SYNE2: variants seen among roughly 807,000 people sequenced by gnomAD.
SYNE2 encodes nesprin-2.
SYNE2 carries 431 observed loss-of-function variants against 856.3 expected under a neutral mutation model. The ratio of observed to expected loss-of-function variants is 0.50; its 90% CI spans 0.47 to 0.55. SYNE2 has a LOEUF of 0.55. SYNE2 is among the 20% of genes least tolerant of loss of function. SYNE2 has a pLI of 0.00. For synonymous variants in SYNE2, 2,923 were observed against 2,872.3 expected, an observed-to-expected ratio of 1.02 and a Z score of -0.56; for missense variants, 8,129 against 8,023.2, an observed-to-expected ratio of 1.01 and a Z score of -0.50.
intron 43 of SYNE2, among the ~76,000 whole-genome samples, chr14:64,029,576 T>G (rs1368219813): frequency 2.6e-5 from 4 of 152,206 alleles, no homozygotes; most frequent in African/African-American, 7.2e-5. Context: ...TCATGAATGT[T>G]TGGGATTTAA....
rs767970692 is a variant in SYNE2 at position 64,165,318 on chromosome 14, C to T, written c.16513C>T (p.Arg5505Trp). 9.9e-6 allele frequency: 16 copies of T among 1,613,610 alleles called. No homozygotes were observed. The highest frequency in any genetic ancestry group is 3.3e-5 in the South Asian group (3 of 91,060). The change falls in exon 90 of 116, where the codon CGG (arginine) becomes TGG (tryptophan). Residue 5505 changes from arginine to tryptophan, a missense_variant. Arg to Trp is a moderately radical substitution (Grantham distance 101). Around this residue, in one of 3 missense-constraint regions of SYNE2, gnomAD observed 5,410 missense variants for 5,284.8 expected, o/e 1.02. Coordinates refer to ENST00000555002, the MANE Select transcript of SYNE2 (RefSeq NM_182914.3). Reference protein sequence around the residue: ...VLSQFKDFGVRLESLKGLIMH... With the variant: ...VLSQFKDFGVWLESLKGLIMH... The stretch of plus-strand genomic sequence containing the variant: ...CTCACAGTTTAAGGATTTTGGAGTC[C>T]GGCTGGAATCTTTAAAAGGTCTTAT...
At position 64,076,087 on chromosome 14, in the gene SYNE2, A is replaced by G; in HGVS notation, c.11009A>G (p.Asp3670Gly). ...QVEECRKALEDIDEKISNEVL... is the reference protein window; with the variant it reads ...QVEECRKALEGIDEKISNEVL... ...GAAGAATGCAGAAAAGCTTTAGAAG[A>G]CATAGATGAGAAGGTAATAATAATG... The change falls in exon 54 of 116, where the codon GAC (aspartate) becomes GGC (glycine). Residue 3670 changes from aspartate to glycine, a missense_variant. This residue lies in a region of SYNE2 where 5,410 missense variants were observed against 5,284.8 expected (regional missense o/e 1.02). Transcript: ENST00000555002. 1 of 1,613,702 alleles carries G rather than the reference A, an allele frequency of 6.2e-7. No homozygotes were observed. The highest frequency in any genetic ancestry group is 1.1e-5 in the South Asian group (1 of 91,074).
Position 64,225,038 on chromosome 14 carries a change from G to A in SYNE2, c.20509G>A (p.Glu6837Lys), listed in dbSNP as rs146398606. 3.0e-5 allele frequency: 48 copies of A among 1,613,990 alleles called. No homozygotes were observed. The African/African-American group carries it at 5.9e-4, about 20-fold the overall frequency. ...AACTACAGAAGGCGAGGAGGAGACA[G>A]AGAGCAGGTAACGGGGCTTTACCGT... Reference protein sequence around the residue: ...VRTTEGEEETESRVPGSTRPQ... With the variant: ...VRTTEGEEETKSRVPGSTRPQ... The change falls in exon 115 of 116, where the codon GAG (glutamate) becomes AAG (lysine). Residue 6837 changes from glutamate to lysine, a missense_variant. Glu to Lys is a moderately conservative substitution (Grantham distance 56). Coordinates refer to ENST00000555002, the MANE Select transcript of SYNE2 (RefSeq NM_182914.3).
chr14:63,886,840 A>G (rs977971428), intron 1 of SYNE2, among the ~76,000 whole-genome samples: 1 of 152,016 alleles, frequency 6.6e-6, no homozygotes, highest in African/African-American at 2.4e-5. Flanking sequence ...TTGTATTTTT[A>G]GTAGTGACAG....
chr14:64,082,703 C>T (rs998507493), intron 57 of SYNE2, among the ~76,000 whole-genome samples: 1 of 152,208 alleles, frequency 6.6e-6, no homozygotes, highest in South Asian at 2.1e-4. Context: ...TGCCTGGACT[C>T]CTTACCCTTG....
chr14:63,841,040 C>T (rs972199935), intron 1 of SYNE2, among the ~76,000 whole-genome samples: 1 of 151,808 alleles, frequency 6.6e-6, no homozygotes, highest in African/African-American at 2.4e-5. Context: ...CAAAACAAAA[C>T]AAAAAACTGT....
At chr14:64,079,553 A>T (rs894504331) in intron 55 of SYNE2, among the ~76,000 whole-genome samples, 1 of 152,202 alleles carries the variant, frequency 6.6e-6, no homozygotes, top group Non-Finnish European at 1.5e-5. Context: ...AAACATTAAG[A>T]ATTGAATATT....
At chr14:63,980,008 A>G (rs1416207830) in intron 14 of SYNE2, among the ~76,000 whole-genome samples, 1 of 152,198 alleles carries the variant, frequency 6.6e-6, no homozygotes, top group East Asian at 1.9e-4. Flanking sequence ...CTTCCAGTTT[A>G]TGACTTAAAC....
Position 64,193,854 on chromosome 14 carries a change from C to T in SYNE2, c.18038+3617C>T, listed in dbSNP as rs539920009. Among the ~76,000 whole-genome samples the T allele has an allele frequency of 7.2e-5, 11 of 152,306 alleles. 1 individual carries two copies. The South Asian group carries it at 2.3e-3, about 32-fold the overall frequency. ...GATTATTTCATTTGAATTCTTAAAACAACACTGCAAAGTCAGTGTGATTCT... is the reference window on the plus strand; with the variant it reads ...GATTATTTCATTTGAATTCTTAAAATAACACTGCAAAGTCAGTGTGATTCT... On this transcript the variant is annotated intron_variant, in intron 99 of 115. Transcript: ENST00000555002.
intron 1 of SYNE2, among the ~76,000 whole-genome samples, chr14:63,814,542 A>G (rs956859431): frequency 4.1e-4 from 58 of 139,840 alleles, no homozygotes; most frequent in Non-Finnish European, 8.0e-4. Context: ...TATATAATAT[A>G]TATATCCATT....
chr14:64,211,478 G>A (rs1049664649), intron 103 of SYNE2, among the ~76,000 whole-genome samples: 1 of 152,138 alleles, frequency 6.6e-6, no homozygotes, highest in African/African-American at 2.4e-5. Context: ...AAGGCAGAAG[G>A]GGGCACCAGG....
At chr14:63,978,042 C>G (rs2096557764) in intron 13 of SYNE2, 25 bp downstream of exon 13, 6 of 1,421,590 alleles carry the variant, frequency 4.2e-6, no homozygotes, top group Middle Eastern at 1.7e-4. Context: ...CATTTCACAG[C>G]TGCTGTCACT....
At chr14:63,840,508 C>G (rs1421525113) in intron 1 of SYNE2, among the ~76,000 whole-genome samples, 1 of 142,822 alleles carries the variant, frequency 7.0e-6, no homozygotes, top group Non-Finnish European at 1.5e-5. Context: ...TCCTTCCTTC[C>G]TTCCTTTTTT....
chr14:64,225,889 C>T lies in SYNE2; in HGVS notation c.*363C>T. Reference sequence around the variant, plus strand: ...GGTCAATGAGCAGTGGTGTCCATCACATATATTATAGAAGCAAGCGAGGAC... The same window carrying T: ...GGTCAATGAGCAGTGGTGTCCATCATATATATTATAGAAGCAAGCGAGGAC... On this transcript the variant is annotated 3_prime_UTR_variant, in exon 116 of 116. Coordinates refer to ENST00000555002, the MANE Select transcript of SYNE2 (RefSeq NM_182914.3). 1.0e-5 allele frequency: 5 copies of T among 497,316 alleles called. No individual in the cohort carries two copies. Among genetic ancestry groups the T allele is most frequent in the Non-Finnish European group, 1.8e-5 (5 of 278,632 alleles). 30.8% of individuals were successfully genotyped at this position (497,316 alleles called of 1,614,324 possible).
chr14:63,782,790 T>C (rs1439909611), intron 1 of SYNE2, among the ~76,000 whole-genome samples: 3 of 151,936 alleles, frequency 2.0e-5, no homozygotes, highest in African/African-American at 7.2e-5. Flanking sequence ...ATTCACATAG[T>C]ATAAAAGTAC....
chr14:63,891,255 T>G (rs1341756869), intron 1 of SYNE2, among the ~76,000 whole-genome samples: 3 of 152,158 alleles, frequency 2.0e-5, no homozygotes, highest in South Asian at 2.1e-4. Flanking sequence ...ATTACTTACG[T>G]AGGCATGAAA....
chr14:64,053,781 T>A lies in SYNE2; in HGVS notation c.9744+124T>A, dbSNP rs1309400121. ...CAAGTAGAGACCAGCCTGGCCAACA[T>A]GGCAAAACTGCATGTATACTAAAAA... On this transcript the variant is annotated intron_variant, in intron 48 of 115. Transcript: ENST00000555002. The A allele has an allele frequency of 1.0e-5, 9 of 870,174 alleles. No homozygotes were observed. The Middle Eastern group carries it at 1.1e-3, about 103-fold the overall frequency. 53.9% of individuals were successfully genotyped at this position (870,174 alleles called of 1,614,324 possible). A position where few individuals can be genotyped will look rare whatever the true frequency, so the allele number is the denominator to read the frequency against.
intron 21 of SYNE2, among the ~76,000 whole-genome samples, chr14:63,991,427 T>C (rs373830383): frequency 3.3e-5 from 5 of 152,342 alleles, no homozygotes; most frequent in African/African-American, 1.2e-4. Flanking sequence ...GGCATAATAA[T>C]TCCAGCCCTA....
At chr14:64,176,829 G>C (rs536851894) in intron 95 of SYNE2, among the ~76,000 whole-genome samples, 73 of 151,566 alleles carry the variant, frequency 4.8e-4, no homozygotes, top group African/African-American at 1.7e-3. Flanking sequence ...ATGGAGTCTT[G>C]CTCTGTCACC....
Sources: gnomAD v4.1 joint callset for allele counts (sites outside exome capture counted in the v4.1 genomes callset) on GRCh38, gnomAD v4.1.1 for gene constraint, gnomAD v4.1.1 regional missense constraint, MANE v1.5 for transcripts, NCBI Gene and HGNC (gene_info 2026-07-23, HGNC 2026-07-21) for gene names.